The following FNBP1L variants were observed in gnomAD, a reference collection of about 807,000 sequenced individuals.
FNBP1L encodes formin-binding protein 1-like.
A neutral mutation model predicts 91.2 loss-of-function variants in FNBP1L; 36 were observed. The ratio of observed to expected loss-of-function variants is 0.39; its 90% CI spans 0.30 to 0.52. FNBP1L has a LOEUF of 0.52. FNBP1L is among the 20% of genes least tolerant of loss of function. The pLI, the probability that FNBP1L is intolerant of heterozygous loss-of-function variation, is 0.66. For missense variants in FNBP1L, 571 were observed against 732.1 expected, an observed-to-expected ratio of 0.78 and a Z score of 2.54; for synonymous variants, 242 against 237.0, an observed-to-expected ratio of 1.02 and a Z score of -0.19.
At chr1:93,463,200 T>G (rs1456101101) in intron 1 of FNBP1L, among the ~76,000 whole-genome samples, 3 of 152,152 alleles carry the variant, frequency 2.0e-5, no homozygotes, top group African/African-American at 7.2e-5. Flanking sequence ...CTGTAAGATA[T>G]GTGATCCAGG....
intron 2 of FNBP1L, among the ~76,000 whole-genome samples, chr1:93,517,237 G>A (rs1244550897): frequency 1.3e-5 from 2 of 152,136 alleles, no homozygotes; most frequent in East Asian, 3.9e-4. Context: ...GTAGAGACAG[G>A]TTTTCAGCAT....
chr1:93,522,359 A>G (rs1034508178), intron 3 of FNBP1L, among the ~76,000 whole-genome samples: 2 of 152,156 alleles, frequency 1.3e-5, no homozygotes, highest in African/African-American at 2.4e-5. Flanking sequence ...CAGATTTTCA[A>G]TTAAAATGTA....
intron 2 of FNBP1L, among the ~76,000 whole-genome samples, chr1:93,510,460 A>G (rs1214771383): frequency 5.3e-5 from 8 of 152,296 alleles, no homozygotes; most frequent in African/African-American, 1.7e-4. Context: ...CCATCTGTAC[A>G]TCACCATCAT....
intron 5 of FNBP1L, among the ~76,000 whole-genome samples, chr1:93,524,675 C>T (rs1385760986): frequency 6.9e-6 from 1 of 145,280 alleles, no homozygotes; most frequent in African/African-American, 2.5e-5. Flanking sequence ...TCTTAGAAGA[C>T]TATTTCCTGA....
intron 11 of FNBP1L, among the ~76,000 whole-genome samples, chr1:93,542,844 C>T (rs543565131): frequency 5.2e-4 from 76 of 144,768 alleles, no homozygotes; most frequent in Non-Finnish European, 8.5e-4. Flanking sequence ...AGTGCAATGG[C>T]GCGATCTTGG....
chr1:93,506,015 AT>A (rs752131923), intron 2 of FNBP1L, among the ~76,000 whole-genome samples: 7 of 152,074 alleles, frequency 4.6e-5, no homozygotes, highest in Non-Finnish European at 1.0e-4. Context: ...TTTATGTTTA[AT>A]TTTTTTACTA....
chr1:93,536,536 G>T lies in FNBP1L; in HGVS notation c.1149+46G>T, dbSNP rs758824239. On this transcript the variant is annotated intron_variant, in intron 10 of 16. Transcript: ENST00000271234. ...AAATGCATGATGGCCTATTGTGTGT[G>T]TAGTGTGGCTTTTAATACTCTCCAC... The T allele has an allele frequency of 2.0e-6, 3 of 1,484,068 alleles. No individual in the cohort carries two copies. The Admixed American group carries it at 6.9e-5, about 34-fold the overall frequency. 91.9% of individuals were successfully genotyped at this position (1,484,068 alleles called of 1,614,324 possible). A position where few individuals can be genotyped will look rare whatever the true frequency, so the allele number is the denominator to read the frequency against.
At chr1:93,475,075 T>G (rs925959653) in intron 1 of FNBP1L, among the ~76,000 whole-genome samples, 2 of 152,066 alleles carry the variant, frequency 1.3e-5, no homozygotes, top group African/African-American at 4.8e-5. Flanking sequence ...CTGAAGTGAC[T>G]TCTTCTTTTT....
At chr1:93,463,098 C>G (rs1557775336) in intron 1 of FNBP1L, among the ~76,000 whole-genome samples, 1 of 152,100 alleles carries the variant, frequency 6.6e-6, no homozygotes, top group Non-Finnish European at 1.5e-5. Context: ...CAGCTTTTGA[C>G]TGTTTGAGCT....
At chr1:93,505,308 A>G (rs1670573665) in intron 2 of FNBP1L, among the ~76,000 whole-genome samples, 1 of 152,058 alleles carries the variant, frequency 6.6e-6, no homozygotes, top group African/African-American at 2.4e-5. Flanking sequence ...CAGAAAGGGT[A>G]CACTCGTGCC....
At chr1:93,515,163 A>G (rs1262164173) in intron 2 of FNBP1L, among the ~76,000 whole-genome samples, 1 of 152,254 alleles carries the variant, frequency 6.6e-6, no homozygotes, top group Non-Finnish European at 1.5e-5. Context: ...CACATGAAAA[A>G]ATGCTCGCCA....
At chr1:93,484,355 T>C (rs1022482026) in intron 1 of FNBP1L, among the ~76,000 whole-genome samples, 2 of 152,188 alleles carry the variant, frequency 1.3e-5, no homozygotes, top group African/African-American at 2.4e-5. Flanking sequence ...ACCAAGTAGA[T>C]TGAGTCTCAG....
chr1:93,500,537 A>C lies in FNBP1L; in HGVS notation c.140+954A>C, dbSNP rs562056902. The stretch of plus-strand genomic sequence containing the variant: ...GTAAGGGAAAATGCAAGCCTGCACC[A>C]AGCTTCTTTTCTCCAGAAATACTAG... On this transcript the variant is annotated intron_variant, in intron 2 of 16. Coordinates refer to ENST00000271234, the MANE Select transcript of FNBP1L (RefSeq NM_001164473.3). Among the ~76,000 whole-genome samples the C allele has an allele frequency of 2.7e-5, 4 of 149,716 alleles. No individual in the cohort carries two copies. The East Asian group carries it at 7.7e-4, about 29-fold the overall frequency.
chr1:93,516,889 C>T (rs1007785779), intron 2 of FNBP1L, among the ~76,000 whole-genome samples: 8 of 152,130 alleles, frequency 5.3e-5, no homozygotes, highest in African/African-American at 1.9e-4. Flanking sequence ...GTCATAACCA[C>T]ACCGTTAAAT....
intron 1 of FNBP1L, among the ~76,000 whole-genome samples, chr1:93,476,338 TATA>T (rs1224945050): frequency 6.6e-6 from 1 of 152,174 alleles, no homozygotes; most frequent in African/African-American, 2.4e-5. Flanking sequence ...TCCATGTTTG[TATA>T]ATAATAGGAG....
rs1165100190 is a variant in FNBP1L, at chr1:93,530,896, T to C, written c.639+13T>C. On this transcript the variant is annotated intron_variant, in intron 7 of 16. Coordinates refer to ENST00000271234, the MANE Select transcript of FNBP1L (RefSeq NM_001164473.3). ...TCAGATTTACAAGGTAAATCTTAGA[T>C]ATGAAGTTAATCTAGTTTTAGATTA... The C allele has an allele frequency of 1.3e-6, 2 of 1,518,062 alleles. No homozygotes were observed. The highest frequency in any genetic ancestry group is 4.3e-5 in the Admixed American group (2 of 46,844). 94.0% of individuals were successfully genotyped at this position (1,518,062 alleles called of 1,614,324 possible).
At chr1:93,524,619 A>G (rs990566156) in intron 5 of FNBP1L, among the ~76,000 whole-genome samples, 1 of 138,902 alleles carries the variant, frequency 7.2e-6, no homozygotes, top group Admixed American at 7.6e-5. Flanking sequence ...AGTAGTTACT[A>G]TAAAGTATTA....
chr1:93,511,942 G>C, intron 2 of FNBP1L, among the ~76,000 whole-genome samples: 1 of 137,394 alleles, frequency 7.3e-6, no homozygotes, highest in Admixed American at 7.7e-5. Context: ...CTCCAGCCTG[G>C]GCGACAGAGC....
chr1:93,505,241 C>T (rs556621397), intron 2 of FNBP1L, among the ~76,000 whole-genome samples: 82 of 151,726 alleles, frequency 5.4e-4, no homozygotes, highest in Non-Finnish European at 9.1e-4. Context: ...TCCTCGGAGC[C>T]GTAAAGAAAT....
Sources: allele counts gnomAD v4.1 joint callset (sites outside exome capture counted in the v4.1 genomes callset), GRCh38; gene constraint gnomAD v4.1.1; transcripts MANE v1.5; gene names NCBI Gene and HGNC (gene_info 2026-07-23, HGNC 2026-07-21).